The following ABTB3 variants were observed in gnomAD, a reference collection of about 807,000 sequenced individuals.
The protein encoded by ABTB3 is ankyrin repeat and BTB domain containing 3.
the ABTB3 span, among the ~76,000 whole-genome samples, chr12:107,483,922 C>A: frequency 6.6e-6 from 1 of 152,138 alleles, no homozygotes; most frequent in Non-Finnish European, 1.5e-5. Flanking sequence ...GAACTCCTGG[C>A]CTCAAGTGAT....
At chr12:107,437,301 G>C in the ABTB3 span, among the ~76,000 whole-genome samples, 2 of 152,142 alleles carry the variant, frequency 1.3e-5, no homozygotes, top group Non-Finnish European at 2.9e-5. Flanking sequence ...GCCTCTTTCA[G>C]CTTCTGGGGC....
the ABTB3 span, among the ~76,000 whole-genome samples, chr12:107,653,251 T>C: frequency 2.6e-5 from 4 of 152,340 alleles, no homozygotes; most frequent in African/African-American, 2.4e-5. Context: ...GCACAGTGGC[T>C]TATGCCTGTA....
the ABTB3 span, among the ~76,000 whole-genome samples, chr12:107,435,795 G>A: frequency 2.0e-5 from 3 of 152,166 alleles, no homozygotes; most frequent in Non-Finnish European, 2.9e-5. Context: ...TTCCTGAAGT[G>A]GAATTACAGG....
chr12:107,354,610 A>T, the ABTB3 span, among the ~76,000 whole-genome samples: 1 of 152,160 alleles, frequency 6.6e-6, no homozygotes, highest in Non-Finnish European at 1.5e-5. Flanking sequence ...ATAATATTCA[A>T]TTGCATGGAT....
chr12:107,524,536 A>G, the ABTB3 span, among the ~76,000 whole-genome samples: 1 of 152,200 alleles, frequency 6.6e-6, no homozygotes, highest in Non-Finnish European at 1.5e-5. Flanking sequence ...GCTAATAACA[A>G]TAATAACGGC....
the ABTB3 span, among the ~76,000 whole-genome samples, chr12:107,555,541 A>G: frequency 6.6e-6 from 1 of 152,222 alleles, no homozygotes. Flanking sequence ...GTTTGGTCTA[A>G]TACCAGCTTC....
At chr12:107,499,203 T>C in the ABTB3 span, among the ~76,000 whole-genome samples, 1 of 152,184 alleles carries the variant, frequency 6.6e-6, no homozygotes, top group Non-Finnish European at 1.5e-5. Context: ...TTTCATGACT[T>C]ACTGGTTCTA....
the ABTB3 span, among the ~76,000 whole-genome samples, chr12:107,491,596 G>A: frequency 6.6e-6 from 1 of 152,258 alleles, no homozygotes; most frequent in South Asian, 2.1e-4. Flanking sequence ...TCCGAGATAG[G>A]CAGATCACTG....
At chr12:107,605,765 A>G in the ABTB3 span, among the ~76,000 whole-genome samples, 110 of 152,350 alleles carry the variant, frequency 7.2e-4, no homozygotes, top group African/African-American at 2.5e-3. Context: ...AGGCTGTGGC[A>G]GTAACTGGAT....
At chr12:107,568,722 A>G in the ABTB3 span, among the ~76,000 whole-genome samples, 2 of 152,130 alleles carry the variant, frequency 1.3e-5, no homozygotes, top group African/African-American at 4.8e-5. Flanking sequence ...TAGCTTCTTT[A>G]TATTAATATT....
chr12:107,332,015 C>A, the ABTB3 span, among the ~76,000 whole-genome samples: 3 of 152,248 alleles, frequency 2.0e-5, no homozygotes, highest in Non-Finnish European at 4.4e-5. Flanking sequence ...GAGCTGGCAC[C>A]TTCACAGCCT....
the ABTB3 span, among the ~76,000 whole-genome samples, chr12:107,434,323 T>C: frequency 1.3e-5 from 2 of 152,152 alleles, no homozygotes; most frequent in Admixed American, 6.5e-5. Context: ...GGTAAAGAAA[T>C]GCAGGTGCTG....
chr12:107,352,250 G>A, the ABTB3 span, among the ~76,000 whole-genome samples: 1 of 152,156 alleles, frequency 6.6e-6, no homozygotes, highest in African/African-American at 2.4e-5. Context: ...GACATCCAAG[G>A]TAAGAGCCAA....
At chr12:107,424,541 C>T in the ABTB3 span, among the ~76,000 whole-genome samples, 1 of 152,248 alleles carries the variant, frequency 6.6e-6, no homozygotes, top group African/African-American at 2.4e-5. Flanking sequence ...TGAGCCCCAG[C>T]TCTGCTACTT....
the ABTB3 span, among the ~76,000 whole-genome samples, chr12:107,556,118 A>G: frequency 6.8e-6 from 1 of 147,468 alleles, no homozygotes; most frequent in East Asian, 2.0e-4. Context: ...TTTTTGAGGC[A>G]GAGTTTCGCT....
At chr12:107,508,090 G>A in the ABTB3 span, among the ~76,000 whole-genome samples, 1 of 144,152 alleles carries the variant, frequency 6.9e-6, no homozygotes, top group Non-Finnish European at 1.5e-5. Flanking sequence ...ATGGATGGAT[G>A]GATGGATGGA....
the ABTB3 span, among the ~76,000 whole-genome samples, chr12:107,469,946 T>TCTCTC: frequency 1.3e-4 from 5 of 37,622 alleles, no homozygotes; most frequent in East Asian, 8.4e-4. Context: ...TTCTTTCTCT[T>TCTCTC]TCTTTCTTTC....
the ABTB3 span, among the ~76,000 whole-genome samples, chr12:107,407,836 A>T: frequency 6.6e-6 from 1 of 152,052 alleles, no homozygotes; most frequent in South Asian, 2.1e-4. Context: ...TTTCAGCTCT[A>T]CCAGCTCTCC....
At chr12:107,425,388 G>A in the ABTB3 span, among the ~76,000 whole-genome samples, 5 of 152,158 alleles carry the variant, frequency 3.3e-5, no homozygotes, top group African/African-American at 1.2e-4. Context: ...ATTTCCTTGT[G>A]GGGTGAGGAA....
Sources: gnomAD v4.1 joint callset for allele counts (sites outside exome capture counted in the v4.1 genomes callset) on GRCh38, gnomAD v4.1.1 for gene constraint, MANE v1.5 for transcripts, NCBI Gene and HGNC (gene_info 2026-07-23, HGNC 2026-07-21) for gene names.